HHAT: variants seen among roughly 807,000 people sequenced by gnomAD.
The protein encoded by HHAT is hedgehog acyltransferase.
Under a neutral mutation model 70.8 loss-of-function variants are expected in HHAT, and 47 were observed. That is an observed-to-expected ratio of 0.66 (90% confidence interval 0.53 to 0.85). The LOEUF (loss-of-function observed/expected upper bound fraction) is 0.85, where lower values mean the gene tolerates loss of function less well. Ranked by LOEUF, HHAT falls within the 40% of genes least tolerant of loss-of-function variation. The probability of loss-of-function intolerance (pLI) is 0.00; values close to 1 mark genes in which losing one functional copy is unlikely to be tolerated. For synonymous variants in HHAT, 228 were observed against 247.6 expected (o/e 0.92, Z 0.74); for missense variants, 609 against 604.8 (o/e 1.01, Z -0.07).
At chr1:210,581,926 G>A (rs556228394) in intron 9 of HHAT, among the ~76,000 whole-genome samples, 20 of 152,114 alleles carry the variant, frequency 1.3e-4, no homozygotes, top group Admixed American at 4.6e-4. Context: ...ACATACACAC[G>A]CATACACATA....
chr1:210,661,271 C>A (rs1413936543), intron 11 of HHAT, among the ~76,000 whole-genome samples: 1 of 152,208 alleles, frequency 6.6e-6, no homozygotes, highest in African/African-American at 2.4e-5. Flanking sequence ...ACAGACACTT[C>A]TCAAACGAAG....
chr1:210,359,350 G>A (rs571904621), intron 2 of HHAT, among the ~76,000 whole-genome samples: 6 of 152,338 alleles, frequency 3.9e-5, no homozygotes, highest in African/African-American at 1.4e-4. Flanking sequence ...TGGCTTAGGA[G>A]TTATGTAGCT....
At chr1:210,572,746 A>T (rs1016143688) in intron 9 of HHAT, among the ~76,000 whole-genome samples, 2 of 152,128 alleles carry the variant, frequency 1.3e-5, no homozygotes, top group African/African-American at 4.8e-5. Flanking sequence ...ATAAAAAAAA[A>T]TGTAGCTGGG....
At chr1:210,609,562 A>G (rs1468250050) in intron 10 of HHAT, among the ~76,000 whole-genome samples, 1 of 152,094 alleles carries the variant, frequency 6.6e-6, no homozygotes, top group Admixed American at 6.6e-5. Context: ...CAGATTTATT[A>G]TATAGGTAGA....
chr1:210,569,619 G>A (rs1401424653), intron 9 of HHAT, among the ~76,000 whole-genome samples: 1 of 152,066 alleles, frequency 6.6e-6, no homozygotes, highest in African/African-American at 2.4e-5. Context: ...TTTGCAAGAG[G>A]TTGTCAGTGA....
chr1:210,549,383 G>T (rs1169764245), intron 9 of HHAT, among the ~76,000 whole-genome samples: 2 of 148,762 alleles, frequency 1.3e-5, no homozygotes, highest in Non-Finnish European at 2.9e-5. Flanking sequence ...GCAGAGTGTG[G>T]TATTGTGGGG....
At chr1:210,502,719 A>G (rs566980748) in intron 8 of HHAT, among the ~76,000 whole-genome samples, 1 of 152,308 alleles carries the variant, frequency 6.6e-6, no homozygotes, top group African/African-American at 2.4e-5. Context: ...GATGCTTTGT[A>G]AATTTAAAGT....
At chr1:210,360,668 T>G (rs2088191315) in intron 2 of HHAT, among the ~76,000 whole-genome samples, 1 of 152,028 alleles carries the variant, frequency 6.6e-6, no homozygotes, top group African/African-American at 2.4e-5. Context: ...GGGCCACATC[T>G]GGATAGGGAG....
chr1:210,668,855 C>T (rs902861174), intron 11 of HHAT, among the ~76,000 whole-genome samples: 1 of 152,150 alleles, frequency 6.6e-6, no homozygotes, highest in Non-Finnish European at 1.5e-5. Flanking sequence ...CTCACTGCAA[C>T]CTCCTCCTCC....
At chr1:210,401,550 C>G (rs771561742) in intron 5 of HHAT, among the ~76,000 whole-genome samples, 2 of 152,252 alleles carry the variant, frequency 1.3e-5, no homozygotes, top group Admixed American at 1.3e-4. Context: ...TTGACAGACT[C>G]AACCACCTAT....
chr1:210,398,461 C>T, intron 4 of HHAT, among the ~76,000 whole-genome samples: 1 of 152,042 alleles, frequency 6.6e-6, no homozygotes, highest in East Asian at 1.9e-4. Flanking sequence ...ATTTTTCTGC[C>T]CCAAGGTGGC....
chr1:210,368,540 C>T (rs1018437527), intron 3 of HHAT, among the ~76,000 whole-genome samples: 1 of 152,104 alleles, frequency 6.6e-6, no homozygotes, highest in African/African-American at 2.4e-5. Flanking sequence ...ATCCACCTAT[C>T]TCAGCCTTCC....
At chr1:210,662,470 A>G (rs74156014) in intron 11 of HHAT, among the ~76,000 whole-genome samples, 4,076 of 152,138 alleles carry the variant, frequency 0.027, 183 homozygotes, top group African/African-American at 0.094. Flanking sequence ...GTGGTCATGA[A>G]TTAATAATGC....
chr1:210,466,136 T>G (rs1235814968), intron 8 of HHAT, among the ~76,000 whole-genome samples: 1 of 150,994 alleles, frequency 6.6e-6, no homozygotes, highest in East Asian at 1.9e-4. Context: ...AGGAATGAAT[T>G]GCAAGGAATC....
chr1:210,373,976 G>T (rs191571658), intron 3 of HHAT, among the ~76,000 whole-genome samples: 1 of 152,082 alleles, frequency 6.6e-6, no homozygotes, highest in African/African-American at 2.4e-5. Flanking sequence ...TGTCACCAGG[G>T]AAAGTTACAC....
chr1:210,504,715 A>T (rs1370672146), intron 8 of HHAT, among the ~76,000 whole-genome samples: 3 of 152,068 alleles, frequency 2.0e-5, no homozygotes, highest in Admixed American at 1.3e-4. Flanking sequence ...GTCATGTGGT[A>T]ACTCAGGACT....
intron 8 of HHAT, among the ~76,000 whole-genome samples, chr1:210,489,769 A>C (rs990736345): frequency 1.3e-5 from 2 of 152,210 alleles, no homozygotes; most frequent in Non-Finnish European, 2.9e-5. Flanking sequence ...CTTCTTAAGC[A>C]GAGCACATAC....
At chr1:210,560,167 A>G (rs1346447859) in intron 9 of HHAT, among the ~76,000 whole-genome samples, 2 of 152,280 alleles carry the variant, frequency 1.3e-5, no homozygotes, top group Non-Finnish European at 2.9e-5. Flanking sequence ...GTACCCTTCT[A>G]AGGACTAGGC....
At chr1:210,473,644 G>A (rs941064578) in intron 8 of HHAT, among the ~76,000 whole-genome samples, 5 of 152,110 alleles carry the variant, frequency 3.3e-5, no homozygotes, top group Admixed American at 3.3e-4. Flanking sequence ...GGAAGTGGAG[G>A]CTTTACCTGC....
Sources: gnomAD v4.1 joint callset for allele counts (sites outside exome capture counted in the v4.1 genomes callset) on GRCh38, gnomAD v4.1.1 for gene constraint, MANE v1.5 for transcripts, NCBI Gene and HGNC (gene_info 2026-07-23, HGNC 2026-07-21) for gene names.